Variants in TUBA4B observed in about 807,000 individuals in gnomAD.
TUBA4B encodes the protein tubulin alpha 4b, also known as tubulin-like protein alpha-4B.
Under a neutral mutation model 18.4 loss-of-function variants are expected in TUBA4B, and 13 were observed. The ratio of observed to expected loss-of-function variants is 0.71; its 90% CI spans 0.46 to 1.12. The LOEUF is 1.12. Among genes scored for constraint, TUBA4B ranks in the 50% most tolerant of loss-of-function variants. The pLI is 0.00. For missense variants in TUBA4B, 244 were observed against 250.0 expected (o/e 0.98, Z 0.16); for synonymous variants, 101 against 99.1 (o/e 1.02, Z -0.11).
At position 219,253,371 on chromosome 2, in the gene TUBA4B, T is replaced by C. The variant is rs1951681139; in HGVS notation, c.-37T>C. 6.5e-7 allele frequency: 1 copy of C among 1,534,704 alleles called. No homozygotes were observed. Among genetic ancestry groups the C allele is most frequent in the Non-Finnish European group, 8.7e-7 (1 of 1,146,552 alleles). The stretch of plus-strand genomic sequence containing the variant: ...CTGAGTCACGGGGGGGGGGTGGTTC[T>C]GTGGATAGTTGGAATGCATACACAG... On this transcript the variant is annotated 5_prime_UTR_variant, in exon 1 of 4. Transcript: ENST00000490341.
At chr2:219,262,464 T>A (rs1487380735) in intron 1 of TUBA4B, among the ~76,000 whole-genome samples, 1 of 152,202 alleles carries the variant, frequency 6.6e-6, no homozygotes, top group Non-Finnish European at 1.5e-5. Flanking sequence ...ATCTGGAATG[T>A]TCTTGTTTGT....
chr2:219,260,760 G>A (rs923594785), intron 1 of TUBA4B, among the ~76,000 whole-genome samples: 1 of 152,174 alleles, frequency 6.6e-6, no homozygotes, highest in Non-Finnish European at 1.5e-5. Context: ...ATCACCTGAG[G>A]TCAGGAGTTT....
chr2:219,255,947 A>G (rs971947542), intron 1 of TUBA4B, among the ~76,000 whole-genome samples: 2 of 152,218 alleles, frequency 1.3e-5, no homozygotes, highest in Admixed American at 1.3e-4. Context: ...TCTGATTGGG[A>G]GAACAAGACT....
At chr2:219,259,758 A>T (rs376335320) in intron 1 of TUBA4B, among the ~76,000 whole-genome samples, 277 of 152,270 alleles carry the variant, frequency 1.8e-3, no homozygotes, top group African/African-American at 6.4e-3. Context: ...CACTGACTCC[A>T]TCTGGGAGAG....
At chr2:219,264,863 G>A (rs1951781122) in intron 1 of TUBA4B, among the ~76,000 whole-genome samples, 2 of 152,234 alleles carry the variant, frequency 1.3e-5, no homozygotes, top group Non-Finnish European at 2.9e-5. Flanking sequence ...TGATTTCCAG[G>A]CAACATGAGG....
At chr2:219,258,325 T>G (rs1951736579) in intron 1 of TUBA4B, among the ~76,000 whole-genome samples, 1 of 151,776 alleles carries the variant, frequency 6.6e-6, no homozygotes, top group African/African-American at 2.4e-5. Context: ...TTGTGTTTGT[T>G]TTTGTTTTTG....
chr2:219,253,984 C>T, intron 1 of TUBA4B: 1 of 1,057,094 alleles, frequency 9.5e-7, no homozygotes, highest in Non-Finnish European at 1.3e-6. Context: ...CCCCGCTCGC[C>T]CACTAGAGGC....
Position 219,271,473 on chromosome 2 carries a change from A to G in TUBA4B, c.500A>G (p.Asn167Ser). 1.2e-6 allele frequency: 2 copies of G among 1,614,048 alleles called. No individual in the cohort carries two copies. The highest frequency in any genetic ancestry group is 2.2e-5 in the East Asian group (1 of 44,880). Residue 167 changes from asparagine (N) to serine (S), a missense_variant, in exon 4 of 4, where the codon AAT (asparagine) becomes AGT (serine). Transcript: ENST00000490341. ...DIERPTYTNL[N>S]RLISQIVSSI... ...GAGCGCCCAACCTACACCAACCTCAATCGCCTCATTAGCCAAATTGTCTCC... is the reference window on the plus strand; with the variant it reads ...GAGCGCCCAACCTACACCAACCTCAGTCGCCTCATTAGCCAAATTGTCTCC...
intron 1 of TUBA4B, chr2:219,254,169 T>A (rs1341541837): frequency 6.3e-6 from 2 of 318,398 alleles, no homozygotes; most frequent in African/African-American, 4.3e-5. Context: ...CACGCTGGGC[T>A]CCCGAGGGCC....
chr2:219,270,880 T>A (rs1213804767), intron 3 of TUBA4B, among the ~76,000 whole-genome samples: 1 of 149,542 alleles, frequency 6.7e-6, no homozygotes, highest in African/African-American at 2.5e-5. Context: ...TGGAGTCCTG[T>A]GCACTGGTCA....
chr2:219,267,572 C>A (rs927650769), intron 2 of TUBA4B, among the ~76,000 whole-genome samples: 12 of 149,190 alleles, frequency 8.0e-5, no homozygotes, highest in Non-Finnish European at 1.5e-4. Context: ...AGGCTGAGTT[C>A]TTTTTTTTGT....
intron 1 of TUBA4B, 26 bp from the exon 2 acceptor site, chr2:219,266,495 A>C (rs1007535285): frequency 5.7e-6 from 4 of 702,420 alleles, no homozygotes; most frequent in Non-Finnish European, 1.0e-5. Flanking sequence ...CCTCTCACAG[A>C]TCTATCCCTG....
intron 1 of TUBA4B, chr2:219,253,996 G>T: frequency 1.1e-6 from 1 of 942,550 alleles, no homozygotes; most frequent in Non-Finnish European, 1.5e-6. Context: ...ACTAGAGGCT[G>T]GGCGGCCCGC....
At chr2:219,253,478 C>A in intron 1 of TUBA4B, 59 bp downstream of exon 1, 1 of 1,342,574 alleles carries the variant, frequency 7.4e-7, no homozygotes, top group Non-Finnish European at 1.0e-6. Flanking sequence ...TGCTGAGGAC[C>A]AGGGACTGGG....
chr2:219,262,177 G>T (rs903235406), intron 1 of TUBA4B, among the ~76,000 whole-genome samples: 1 of 152,224 alleles, frequency 6.6e-6, no homozygotes, highest in Non-Finnish European at 1.5e-5. Context: ...CTGGCGTGGT[G>T]GTGGGCGCCT....
chr2:219,253,618 C>T (rs1195527317), intron 1 of TUBA4B, among the ~76,000 whole-genome samples, 199 bp downstream of exon 1: 2 of 152,178 alleles, frequency 1.3e-5, no homozygotes, highest in Non-Finnish European at 2.9e-5. Context: ...GGAAGGGTTC[C>T]TCTCTGTTAC....
chr2:219,256,958 C>T (rs771208558), intron 1 of TUBA4B, among the ~76,000 whole-genome samples: 3 of 151,174 alleles, frequency 2.0e-5, no homozygotes, highest in Non-Finnish European at 2.9e-5. Context: ...ATGGAAAAGT[C>T]GAGGAATAGA....
intron 1 of TUBA4B, among the ~76,000 whole-genome samples, chr2:219,262,895 G>A (rs1951768027): frequency 6.6e-6 from 1 of 151,964 alleles, no homozygotes; most frequent in East Asian, 1.9e-4. Context: ...ACAAAAATTA[G>A]CCAGGCATGG....
At chr2:219,268,115 T>C (rs113370390) in intron 2 of TUBA4B, among the ~76,000 whole-genome samples, 11,331 of 149,208 alleles carry the variant, frequency 0.076, 559 homozygotes, top group South Asian at 0.19. Flanking sequence ...CTTTTTTTTT[T>C]TTTTTTTTTT....
Sources: gnomAD v4.1 joint callset for allele counts (sites outside exome capture counted in the v4.1 genomes callset) on GRCh38, gnomAD v4.1.1 for gene constraint, MANE v1.5 for transcripts, NCBI Gene and HGNC (gene_info 2026-07-23, HGNC 2026-07-21) for gene names.